ABLIM1: variants seen among roughly 807,000 people sequenced by gnomAD.
ABLIM1 encodes actin-binding LIM protein 1.
In ABLIM1, 40 loss-of-function variants were observed where a neutral mutation model predicts 107.0. The ratio of observed to expected loss-of-function variants is 0.37; its 90% CI spans 0.29 to 0.49. The LOEUF is 0.49. Ranked by LOEUF, ABLIM1 falls within the 20% of genes least tolerant of loss-of-function variation. The pLI is 0.97. For synonymous variants in ABLIM1, 357 were observed against 357.3 expected, an observed-to-expected ratio of 1.00 and a Z score of 0.01; for missense variants, 857 against 1,008.5, an observed-to-expected ratio of 0.85 and a Z score of 2.04.
chr10:114,545,141 G>C, intron 5 of ABLIM1, 43 bp from the exon 6 acceptor site: 1 of 1,586,318 alleles, frequency 6.3e-7, no homozygotes, highest in Non-Finnish European at 8.7e-7. Flanking sequence ...AGGTGGCCAG[G>C]GGCTGGAGAA....
rs777694598 is a variant in ABLIM1 at position 114,447,938 on chromosome 10, G to A, written c.1677C>T (p.Ser559=). ...GGTCCGTCTCAATCTTTGGTGTCTC[G>A]CTGGGGTCTGGTGCCTGGGCTGCTG... The part of the protein sequence containing the change: ...KFPAAQAPDP[S]ETPKIETDHW... Residue 559 remains serine, a synonymous_variant, in exon 15 of 23, where the codon AGC becomes AGT. Coordinates refer to ENST00000533213, the MANE Select transcript of ABLIM1 (RefSeq NM_002313.7). The A allele has an allele frequency of 2.9e-5, 47 of 1,613,950 alleles. No individual in the cohort carries two copies. The highest frequency in any genetic ancestry group is 3.3e-4 in the Middle Eastern group (2 of 6,084).
intron 6 of ABLIM1, among the ~76,000 whole-genome samples, chr10:114,518,132 T>C (rs189550418): frequency 2.6e-5 from 4 of 152,278 alleles, no homozygotes; most frequent in African/African-American, 9.6e-5. Context: ...CCTATTTGTA[T>C]AAAAGAATAC....
intron 6 of ABLIM1, among the ~76,000 whole-genome samples, chr10:114,542,515 A>C (rs1038319314): frequency 7.9e-5 from 12 of 151,642 alleles, no homozygotes; most frequent in Admixed American, 6.6e-4. Context: ...AGAAGAAATT[A>C]GAAGGAAGAA....
intron 1 of ABLIM1, among the ~76,000 whole-genome samples, chr10:114,752,966 C>A (rs2082550511): frequency 6.6e-6 from 1 of 152,088 alleles, no homozygotes; most frequent in Non-Finnish European, 1.5e-5. Flanking sequence ...AATAAATAAT[C>A]CAGCCTTTGG....
At chr10:114,513,907 C>CAT (rs1020256848) in intron 6 of ABLIM1, among the ~76,000 whole-genome samples, 2 of 152,146 alleles carry the variant, frequency 1.3e-5, no homozygotes, top group African/African-American at 4.8e-5. Context: ...TTCCAAGATA[C>CAT]ATATACTCCT....
At chr10:114,441,925 A>C in intron 17 of ABLIM1, 139 bp from the exon 18 acceptor site, 1 of 713,016 alleles carries the variant, frequency 1.4e-6, no homozygotes, top group South Asian at 1.8e-5. Context: ...ATGTTCAAAA[A>C]TATGCCATCA....
intron 1 of ABLIM1, 122 bp downstream of exon 1, chr10:114,657,835 A>G: frequency 2.4e-6 from 2 of 818,068 alleles, no homozygotes; most frequent in Middle Eastern, 2.4e-4. Context: ...CCCATTAATT[A>G]TATATTAAGG....
intron 3 of ABLIM1, among the ~76,000 whole-genome samples, chr10:114,573,927 T>C (rs2072078820): frequency 6.6e-6 from 1 of 152,194 alleles, no homozygotes; most frequent in Non-Finnish European, 1.5e-5. Flanking sequence ...ACTTTGCTTT[T>C]GATTAAATAC....
At chr10:114,736,767 GAACATCCTACT>G (rs145373367) in intron 1 of ABLIM1, among the ~76,000 whole-genome samples, 3,246 of 152,306 alleles carry the variant, frequency 0.021, 59 homozygotes, top group Non-Finnish European at 0.032. Context: ...ATATGTTGCT[GAACATCCTACT>G]AACTCTGGAA....
the ABLIM1 span, among the ~76,000 whole-genome samples, chr10:114,781,610 A>G: frequency 2.0e-5 from 3 of 150,066 alleles, no homozygotes; most frequent in Non-Finnish European, 4.4e-5. Context: ...ATATGTATAT[A>G]TGTGTGTGTA....
intron 1 of ABLIM1, among the ~76,000 whole-genome samples, chr10:114,758,693 G>T (rs1249053853): frequency 6.6e-6 from 1 of 152,096 alleles, no homozygotes; most frequent in African/African-American, 2.4e-5. Context: ...TTCTCTGGTG[G>T]CTTCCCTGTG....
intron 1 of ABLIM1, among the ~76,000 whole-genome samples, chr10:114,643,786 GGCT>G (rs1591710431): frequency 6.6e-6 from 1 of 151,898 alleles, no homozygotes; most frequent in East Asian, 1.9e-4. Context: ...ACATTGCCCA[GGCT>G]AGGTTTAAAC....
At chr10:114,450,724 G>A (rs1251458805) in intron 14 of ABLIM1, among the ~76,000 whole-genome samples, 1 of 152,086 alleles carries the variant, frequency 6.6e-6, no homozygotes, top group Non-Finnish European at 1.5e-5. Context: ...TTACAGGTGT[G>A]AGCCACTGCA....
chr10:114,734,512 G>A (rs808339), intron 1 of ABLIM1, among the ~76,000 whole-genome samples: 120,731 of 151,976 alleles, frequency 0.79, 48,583 homozygotes, highest in African/African-American at 0.93. Flanking sequence ...CGCAACTCTC[G>A]CACCTTGTTC....
chr10:114,565,670 A>G (rs1176788643), intron 4 of ABLIM1, among the ~76,000 whole-genome samples: 1 of 152,178 alleles, frequency 6.6e-6, no homozygotes, highest in Non-Finnish European at 1.5e-5. Flanking sequence ...ACATAAAGAT[A>G]AAAGAAAGTT....
the ABLIM1 span, among the ~76,000 whole-genome samples, chr10:114,794,763 AG>A: frequency 6.6e-6 from 1 of 152,220 alleles, no homozygotes; most frequent in Admixed American, 6.5e-5. Context: ...TAAAATGTCA[AG>A]GAAGTGAAAA....
chr10:114,474,992 C>T (rs1420701406), intron 8 of ABLIM1, among the ~76,000 whole-genome samples: 1 of 152,096 alleles, frequency 6.6e-6, no homozygotes, highest in Non-Finnish European at 1.5e-5. Flanking sequence ...GTGAGGCCTC[C>T]CCAGCCATGT....
chr10:114,481,598 C>T (rs2057381059), intron 8 of ABLIM1, among the ~76,000 whole-genome samples: 1 of 152,130 alleles, frequency 6.6e-6, no homozygotes, highest in South Asian at 2.1e-4. Flanking sequence ...AGAGTGAAAT[C>T]AACTCCTTTG....
At chr10:114,564,794 T>A (rs2070420195) in intron 4 of ABLIM1, among the ~76,000 whole-genome samples, 1 of 152,206 alleles carries the variant, frequency 6.6e-6, no homozygotes, top group Non-Finnish European at 1.5e-5. Flanking sequence ...GCCCACACTG[T>A]CAACCGTTAT....
Sources: allele counts gnomAD v4.1 joint callset (sites outside exome capture counted in the v4.1 genomes callset), GRCh38; gene constraint gnomAD v4.1.1; transcripts MANE v1.5; gene names NCBI Gene and HGNC (gene_info 2026-07-23, HGNC 2026-07-21).